Variants in TRPM8 observed in about 807,000 individuals in gnomAD.
The protein encoded by TRPM8 is TRPM8 cationic channel.
Under a neutral mutation model 133.7 loss-of-function variants are expected in TRPM8, and 110 were observed. That is an observed-to-expected ratio of 0.82 (90% CI 0.70 to 0.96). TRPM8 has a LOEUF of 0.96. Among genes scored for constraint, TRPM8 ranks in the 40% least tolerant of loss-of-function variants. The probability of loss-of-function intolerance (pLI) is 0.00; values close to 1 mark genes in which losing one functional copy is unlikely to be tolerated. For missense variants in TRPM8, 1,291 were observed against 1,379.5 expected, an observed-to-expected ratio of 0.94 and a Z score of 1.02; for synonymous variants, 535 against 532.3, an observed-to-expected ratio of 1.01 and a Z score of -0.07.
chr2:233,997,507 T>G (rs1692439644), intron 22 of TRPM8, among the ~76,000 whole-genome samples: 1 of 152,094 alleles, frequency 6.6e-6, no homozygotes, highest in Non-Finnish European at 1.5e-5. Flanking sequence ...TGAAAGCCTT[T>G]TCTTAGTGAT....
rs528155864 is a variant in TRPM8 at position 234,006,767 on chromosome 2, C to G, written c.3131-86C>G. On this transcript the variant is annotated intron_variant, in intron 22 of 25. Transcript: ENST00000324695. ...CGAATCTCATTCTTAGTTCTAGAGT[C>G]TCACAAAATGCCTTAGAAGATCTTA... is the stretch of plus-strand genomic sequence containing the variant. 27 of 974,094 alleles carry G rather than the reference C, an allele frequency of 2.8e-5. No individual in the cohort carries two copies. In the African/African-American group the frequency reaches 2.9e-4, roughly 11 times the overall value. The allele number at this position is 974,094 out of a possible 1,614,324, so 60.3% of individuals were successfully genotyped here.
At chr2:234,003,326 T>C (rs917752217) in intron 22 of TRPM8, among the ~76,000 whole-genome samples, 1 of 152,238 alleles carries the variant, frequency 6.6e-6, no homozygotes, top group African/African-American at 2.4e-5. Flanking sequence ...ATCACACATA[T>C]GTAATTGCTG....
intron 19 of TRPM8, 145 bp downstream of exon 19, chr2:233,982,060 G>A (rs555987591): frequency 3.3e-6 from 3 of 913,380 alleles, no homozygotes; most frequent in Admixed American, 6.3e-5. Flanking sequence ...TTTCATCAGG[G>A]GCCTCTCCCA....
In TRPM8 at chr2:234,008,103, GGTATGGTTCT is replaced by G; in HGVS notation, c.3264+3_3264+12del. 6.3e-7 allele frequency: 1 copy of G among 1,598,348 alleles called. No homozygotes were observed. The highest frequency in any genetic ancestry group is 8.5e-7 in the Non-Finnish European group (1 of 1,176,162). On this transcript the variant is annotated splice_donor_variant and splice_donor_5th_base_variant and intron_variant, in intron 24 of 25. Coordinates refer to ENST00000324695, the MANE Select transcript of TRPM8 (RefSeq NM_024080.5). LOFTEE classifies it high-confidence loss of function. ...ATCGATTTAGACAACTGGATACAAA[GGTATGGTTCT>G]GTTAATAGTTTGGATTTTTTTTTTT...
intron 11 of TRPM8, among the ~76,000 whole-genome samples, chr2:233,957,959 A>G (rs1691333352): frequency 6.6e-6 from 1 of 152,254 alleles, no homozygotes; most frequent in South Asian, 2.1e-4. Flanking sequence ...ATTAAATCAG[A>G]TAATATTTCT....
Position 233,954,008 on chromosome 2 carries a change from C to G in TRPM8, c.1232C>G (p.Ala411Gly), listed in dbSNP as rs1260349979. 1 of 1,612,770 alleles carries G rather than the reference C, an allele frequency of 6.2e-7. No individual in the cohort carries two copies. Reference sequence around the variant, plus strand: ...ATTGTGAGCAATGCCATCTCCTACGCTCTATACAAAGGTGAGTAAAAATAG... The same window carrying G: ...ATTGTGAGCAATGCCATCTCCTACGGTCTATACAAAGGTGAGTAAAAATAG... ...DEIVSNAISY[A>G]LYKAFSTSEQ... The change falls in exon 10 of 26, where the codon GCT becomes GGT. Residue 411 changes from alanine (A) to glycine (G), a missense_variant. Around this residue, in one of 2 missense-constraint regions of TRPM8, gnomAD observed 963 missense variants for 968.9 expected, o/e 0.99. Coordinates refer to ENST00000324695, the MANE Select transcript of TRPM8 (RefSeq NM_024080.5).
intron 3 of TRPM8, among the ~76,000 whole-genome samples, chr2:233,934,331 C>G (rs1454645616): frequency 1.3e-5 from 2 of 152,134 alleles, no homozygotes; most frequent in Non-Finnish European, 2.9e-5. Context: ...TGTCACAGGC[C>G]TAGACCTACA....
At chr2:233,981,696 A>G in intron 18 of TRPM8, 78 bp from the exon 19 acceptor site, 1 of 1,452,500 alleles carries the variant, frequency 6.9e-7, no homozygotes, top group Non-Finnish European at 9.3e-7. Context: ...GTTTCTTGAA[A>G]TTGGGTTATT....
At chr2:233,984,058 G>A (rs530115228) in intron 20 of TRPM8, among the ~76,000 whole-genome samples, 18 of 152,210 alleles carry the variant, frequency 1.2e-4, no homozygotes, top group Admixed American at 3.9e-4. Flanking sequence ...AGAAGCAGAC[G>A]CATTTCATCC....
chr2:233,964,582 AG>A (rs747948630), intron 13 of TRPM8, 45 bp from the exon 14 acceptor site: 3 of 1,375,478 alleles, frequency 2.2e-6, no homozygotes, highest in Non-Finnish European at 2.9e-6. Flanking sequence ...AAAAAAGAAA[AG>A]GAAAAAAAAG....
At chr2:233,986,034 T>TA (rs1337553995) in intron 21 of TRPM8, among the ~76,000 whole-genome samples, 169 bp downstream of exon 21, 1 of 152,206 alleles carries the variant, frequency 6.6e-6, no homozygotes, top group Admixed American at 6.5e-5. Flanking sequence ...GGGACCATAT[T>TA]AAAAATATAA....
chr2:233,955,091 T>G, intron 10 of TRPM8, 41 bp from the exon 11 acceptor site: 2 of 1,478,540 alleles, frequency 1.4e-6, no homozygotes, highest in Non-Finnish European at 1.9e-6. Flanking sequence ...CTCTTATTTC[T>G]GAGCCTTTGG....
intron 2 of TRPM8, among the ~76,000 whole-genome samples, chr2:233,927,708 CTCTTTCTTTCTT>C (rs1174628676): frequency 0.03 from 2,412 of 81,406 alleles, 219 homozygotes; most frequent in Non-Finnish European, 0.059. Flanking sequence ...CAGAGTCTGT[CTCTTTCTTTCTT>C]TCTTTCTTTC....
At chr2:233,948,564 A>G (rs1691098592) in intron 8 of TRPM8, among the ~76,000 whole-genome samples, 1 of 152,254 alleles carries the variant, frequency 6.6e-6, no homozygotes, top group Admixed American at 6.5e-5. Flanking sequence ...TTATCTTACC[A>G]GATCAAATAT....
Position 233,942,653 on chromosome 2 carries a change from A to T in TRPM8, c.604A>T (p.Ser202Cys). 6.2e-7 allele frequency: 1 copy of T among 1,614,258 alleles called. No individual in the cohort carries two copies. The change falls in exon 6 of 26, where the codon AGC (serine) becomes TGC (cysteine). Residue 202 changes from serine to cysteine, a missense_variant. By Grantham distance (112) the Ser-to-Cys change is moderately radical. Transcript: ENST00000324695. ...IGEVVRDNTI[S>C]RSSEENIVAI... ...GGAGGTGGTGAGAGATAACACCATC[A>T]GCAGGAGTTCAGAGGAGAATATTGT...
chr2:233,947,392 A>G, intron 8 of TRPM8: 2 of 1,508,534 alleles, frequency 1.3e-6, no homozygotes, highest in Non-Finnish European at 1.8e-6. Flanking sequence ...TGGCCTTGAC[A>G]GTCAACCTGC....
intron 12 of TRPM8, among the ~76,000 whole-genome samples, chr2:233,962,041 C>G (rs563152010): frequency 6.6e-6 from 1 of 152,332 alleles, no homozygotes; most frequent in East Asian, 1.9e-4. Context: ...CAGCTATGAT[C>G]TGCTTAAAAC....
At position 233,945,546 on chromosome 2, in the gene TRPM8, C is replaced by T. The variant is rs556211792; in HGVS notation, c.700-310C>T. 9.9e-5 allele frequency among the ~76,000 whole-genome samples: 15 copies of T among 152,240 alleles called. No individual in the cohort carries two copies. The East Asian group carries it at 1.4e-3, about 14-fold the overall frequency. On this transcript the variant is annotated intron_variant, in intron 6 of 25. Transcript: ENST00000324695. The stretch of plus-strand genomic sequence containing the variant: ...TTTCCTGAATGCTGAATTTGAATTT[C>T]GTTGAATTTATGCAAAAGAGCACAG...
chr2:233,922,460 G>A (rs1377250681), intron 1 of TRPM8, among the ~76,000 whole-genome samples: 1 of 151,672 alleles, frequency 6.6e-6, no homozygotes, highest in Non-Finnish European at 1.5e-5. Flanking sequence ...TTTCTCTTTG[G>A]TTCCTTTGCT....
Sources: allele counts gnomAD v4.1 joint callset (sites outside exome capture counted in the v4.1 genomes callset), GRCh38; gene constraint gnomAD v4.1.1; regional missense constraint gnomAD v4.1.1; transcripts MANE v1.5; gene names NCBI Gene and HGNC (gene_info 2026-07-23, HGNC 2026-07-21).